Variants in DCTN2 observed in about 807,000 individuals in gnomAD.
DCTN2 encodes 50 kDa dynein-associated polypeptide.
DCTN2 carries 18 observed loss-of-function variants against 55.4 expected under a neutral mutation model. The ratio of observed to expected loss-of-function variants is 0.32; its 90% CI spans 0.22 to 0.48. The LOEUF is 0.48. Ranked by LOEUF, DCTN2 falls within the 20% of genes least tolerant of loss-of-function variation. The pLI, the probability that DCTN2 is intolerant of heterozygous loss-of-function variation, is 0.99. For synonymous variants in DCTN2, 168 were observed against 185.2 expected (o/e 0.91, Z 0.76); for missense variants, 390 against 491.0 (o/e 0.79, Z 1.94).
At chr12:57,546,529 G>A (rs964186666) in intron 1 of DCTN2, among the ~76,000 whole-genome samples, 1 of 152,092 alleles carries the variant, frequency 6.6e-6, no homozygotes, top group African/African-American at 2.4e-5. Flanking sequence ...CAAAAGGAAG[G>A]TACACGCCAG....
In DCTN2 at chr12:57,530,384, G is replaced by A. The variant is rs192583951; in HGVS notation, c.*305C>T. ...GTCAGCCACAGAAGCTGTGTTGGGG[G>A]ACAAGACCCAATCCTTCCCCACACC... On this transcript the variant is annotated 3_prime_UTR_variant, in exon 14 of 14. Coordinates refer to ENST00000548249, the MANE Select transcript of DCTN2 (RefSeq NM_001261413.2). 377 of 323,832 alleles carry A rather than the reference G, an allele frequency of 1.2e-3. 2 individuals are homozygous for A. Among genetic ancestry groups the A allele is most frequent in the Non-Finnish European group, 1.6e-3 (276 of 171,896 alleles). 20.1% of individuals were successfully genotyped at this position (323,832 alleles called of 1,614,324 possible). A position where few individuals can be genotyped will look rare whatever the true frequency, so the allele number is the denominator to read the frequency against.
intron 2 of DCTN2, 110 bp from the exon 3 acceptor site, chr12:57,535,955 G>A (rs1356855766): frequency 4.9e-6 from 4 of 816,720 alleles, no homozygotes; most frequent in Non-Finnish European, 8.0e-6. Context: ...CTTGTCCAAG[G>A]GGAAAGAAGG....
At position 57,530,580 on chromosome 12, in the gene DCTN2, C is replaced by A; in HGVS notation, c.*109G>T. 1.0e-6 allele frequency: 1 copy of A among 975,386 alleles called. No homozygotes were observed. Among genetic ancestry groups the A allele is most frequent in the South Asian group, 1.6e-5 (1 of 63,942 alleles). The allele number at this position is 975,386 out of a possible 1,614,324, so 60.4% of individuals were successfully genotyped here. A position where few individuals can be genotyped will look rare whatever the true frequency, so the allele number is the denominator to read the frequency against. On this transcript the variant is annotated 3_prime_UTR_variant, in exon 14 of 14. Coordinates refer to ENST00000548249, the MANE Select transcript of DCTN2 (RefSeq NM_001261413.2). Reference sequence around the variant, plus strand: ...CAAGAAGAACCCTTGCCCCCAGTGTCAAATGGGATGGGGATGCTAGAGTTA... The same window carrying A: ...CAAGAAGAACCCTTGCCCCCAGTGTAAAATGGGATGGGGATGCTAGAGTTA...
At chr12:57,545,524 C>T (rs979517689) in intron 2 of DCTN2, among the ~76,000 whole-genome samples, 6 of 152,210 alleles carry the variant, frequency 3.9e-5, no homozygotes, top group African/African-American at 1.4e-4. Context: ...GTCTCACATC[C>T]GCTGATGTGA....
chr12:57,544,888 A>G (rs1179161101), intron 2 of DCTN2, among the ~76,000 whole-genome samples: 2 of 152,168 alleles, frequency 1.3e-5, no homozygotes, highest in Non-Finnish European at 2.9e-5. Flanking sequence ...TATCTCCAAG[A>G]TACTCAAGCT....
rs900934216 is a variant in DCTN2, at chr12:57,536,011, G to A, written c.106-166C>T. The A allele has an allele frequency of 1.5e-5, 9 of 599,688 alleles. No homozygotes were observed. In the African/African-American group the frequency reaches 1.7e-4, roughly 11 times the overall value. 37.1% of individuals were successfully genotyped at this position (599,688 alleles called of 1,614,324 possible). A position where few individuals can be genotyped will look rare whatever the true frequency, so the allele number is the denominator to read the frequency against. On this transcript the variant is annotated intron_variant, in intron 2 of 13. Coordinates refer to ENST00000548249, the MANE Select transcript of DCTN2 (RefSeq NM_001261413.2). ...CTACCCAGGCTTAACCTAGGAAACT[G>A]AAGCTTCCTGGTAAATTTGGAGCCT...
Position 57,530,722 on chromosome 12 carries a change from G to A in DCTN2, c.1173C>T (p.Ser391=), listed in dbSNP as rs780905117. ...CCAGCTTCTTCATCCGTTCATCAATGCTGGCAAAGTTCCCCTCAACTGTGG... is the reference window on the plus strand; with the variant it reads ...CCAGCTTCTTCATCCGTTCATCAATACTGGCAAAGTTCCCCTCAACTGTGG... ...NLATVEGNFA[S]IDERMKKLGK The change falls in exon 14 of 14, where the codon AGC becomes AGT. Residue 391 remains serine (S), a synonymous_variant. Transcript: ENST00000548249. 2 of 1,613,890 alleles carry A rather than the reference G, an allele frequency of 1.2e-6. No homozygotes were observed. Among genetic ancestry groups the A allele is most frequent in the Admixed American group, 3.3e-5 (2 of 60,014 alleles).
At position 57,539,856 on chromosome 12, in the gene DCTN2, A is replaced by G. The variant is rs1428065063; in HGVS notation, c.106-4011T>C. On this transcript the variant is annotated intron_variant, in intron 2 of 13. Coordinates refer to ENST00000548249, the MANE Select transcript of DCTN2 (RefSeq NM_001261413.2). The stretch of plus-strand genomic sequence containing the variant: ...AGCCTGGCCACCATGGTGAAACCCC[A>G]TCTCTACTAAAAATACAAAATTAGC... Among the ~76,000 whole-genome samples the G allele has an allele frequency of 2.0e-5, 3 of 152,040 alleles. No homozygotes were observed. The South Asian group carries it at 6.2e-4, about 32-fold the overall frequency.
intron 2 of DCTN2, chr12:57,541,429 C>T: frequency 6.3e-7 from 1 of 1,583,106 alleles, no homozygotes; most frequent in Non-Finnish European, 8.6e-7. Flanking sequence ...AGGAAAAACT[C>T]AGGTAAGTTC....
At chr12:57,542,505 G>A (rs1221940246) in intron 2 of DCTN2, among the ~76,000 whole-genome samples, 9 of 152,166 alleles carry the variant, frequency 5.9e-5, no homozygotes, top group Non-Finnish European at 1.3e-4. Flanking sequence ...AACACAACTT[G>A]ACTATTCCTT....
In DCTN2 at chr12:57,535,457, A is replaced by G. The variant is rs768419483; in HGVS notation, c.264+27T>C. Reference sequence around the variant, plus strand: ...TAGATAGGGTCACTACACCATTCCCATCAACACACACACACACACAACAAA... The same window carrying G: ...TAGATAGGGTCACTACACCATTCCCGTCAACACACACACACACACAACAAA... On this transcript the variant is annotated intron_variant, in intron 4 of 13. Coordinates refer to ENST00000548249, the MANE Select transcript of DCTN2 (RefSeq NM_001261413.2). 1.2e-5 allele frequency: 19 copies of G among 1,613,150 alleles called. 1 individual carries two copies. The South Asian group carries it at 2.1e-4, about 18-fold the overall frequency.
chr12:57,530,602 G>A lies in DCTN2; in HGVS notation c.*87C>T, dbSNP rs1879581576. 4.2e-6 allele frequency: 5 copies of A among 1,203,218 alleles called. No homozygotes were observed. The highest frequency in any genetic ancestry group is 6.0e-6 in the Non-Finnish European group (5 of 831,768). The allele number at this position is 1,203,218 out of a possible 1,614,324, so 74.5% of individuals were successfully genotyped here. A position where few individuals can be genotyped will look rare whatever the true frequency, so the allele number is the denominator to read the frequency against. On this transcript the variant is annotated 3_prime_UTR_variant, in exon 14 of 14. Coordinates refer to ENST00000548249, the MANE Select transcript of DCTN2 (RefSeq NM_001261413.2). ...TGTCAAATGGGATGGGGATGCTAGA[G>A]TTATAGTAAAGGGGAAACCCTATGT... is the stretch of plus-strand genomic sequence containing the variant.
In DCTN2 at chr12:57,535,743, T is replaced by A. The variant is rs142914579; in HGVS notation, c.202+6A>T. 1.9e-6 allele frequency: 3 copies of A among 1,612,356 alleles called. No homozygotes were observed. The highest frequency in any genetic ancestry group is 2.7e-5 in the African/African-American group (2 of 75,016). On this transcript the variant is annotated splice_donor_region_variant and intron_variant, in intron 3 of 13. Coordinates refer to ENST00000548249, the MANE Select transcript of DCTN2 (RefSeq NM_001261413.2). ...TCCCCCCACCCAGCTTCCAGCCCAG[T>A]CTCACCAAGTCCCTTTGTCCCCACT...
At chr12:57,538,682 A>G in intron 2 of DCTN2, 1 of 608,384 alleles carries the variant, frequency 1.6e-6, no homozygotes, top group Non-Finnish European at 3.0e-6. Flanking sequence ...ACAGGGCCCC[A>G]GGGGAGCCTA....
chr12:57,538,659 A>AAC (rs1880447560), intron 2 of DCTN2: 6 of 661,246 alleles, frequency 9.1e-6, no homozygotes, highest in Non-Finnish European at 1.7e-5. Flanking sequence ...ACAGTCTTCC[A>AAC]ACACACTGCA....
intron 2 of DCTN2, chr12:57,536,107 A>C: frequency 2.1e-6 from 1 of 467,228 alleles, no homozygotes; most frequent in East Asian, 3.4e-5. Flanking sequence ...CCCTCTCTGT[A>C]CATAAGCCTT....
chr12:57,544,266 T>C (rs975834520), intron 2 of DCTN2: 1 of 351,048 alleles, frequency 2.8e-6, no homozygotes, highest in African/African-American at 2.1e-5. Context: ...TCTATATAAA[T>C]TGGCATAGTA....
intron 2 of DCTN2, among the ~76,000 whole-genome samples, chr12:57,541,872 G>A (rs1880722024): frequency 1.3e-5 from 2 of 152,214 alleles, no homozygotes; most frequent in Non-Finnish European, 2.9e-5. Flanking sequence ...AGTGCAAAGA[G>A]ATCTTCCCAG....
chr12:57,530,883 T>A, intron 13 of DCTN2, 108 bp from the exon 14 acceptor site: 1 of 989,096 alleles, frequency 1.0e-6, no homozygotes, highest in Non-Finnish European at 1.6e-6. Flanking sequence ...AAGCACAATT[T>A]GTGGGCCACA....
Sources: gnomAD v4.1 joint callset for allele counts (sites outside exome capture counted in the v4.1 genomes callset) on GRCh38, gnomAD v4.1.1 for gene constraint, MANE v1.5 for transcripts, NCBI Gene and HGNC (gene_info 2026-07-23, HGNC 2026-07-21) for gene names.